Variants in CTNNA3 observed in about 807,000 individuals in gnomAD.
CTNNA3 encodes the protein catenin alpha-3.
Under a neutral mutation model 95.7 loss-of-function variants are expected in CTNNA3, and 76 were observed. The ratio of observed to expected loss-of-function variants is 0.79; its 90% CI spans 0.66 to 0.96. The LOEUF (loss-of-function observed/expected upper bound fraction) is 0.96. Ranked by LOEUF, CTNNA3 falls within the 40% of genes least tolerant of loss-of-function variation. The probability of loss-of-function intolerance (pLI) is 0.00; values close to 1 mark genes in which losing one functional copy is unlikely to be tolerated. For missense variants in CTNNA3, 1,191 were observed against 1,089.8 expected (o/e 1.09, Z -1.31); for synonymous variants, 431 against 374.4 (o/e 1.15, Z -1.74).
At chr10:66,262,896 T>C (rs1270145801) in intron 13 of CTNNA3, among the ~76,000 whole-genome samples, 1 of 151,978 alleles carries the variant, frequency 6.6e-6, no homozygotes, top group Non-Finnish European at 1.5e-5. Context: ...GACTTAAAGT[T>C]ATAAACAGGA....
Position 67,737,503 on chromosome 10 carries a change from C to A in CTNNA3, c.-2+25931G>T, listed in dbSNP as rs116214658. 3.9e-3 allele frequency among the ~76,000 whole-genome samples: 591 copies of A among 152,078 alleles called. 6 individuals are homozygous for A. Among genetic ancestry groups the A allele is most frequent in the African/African-American group, 0.014 (563 of 41,496 alleles). ...AAGGAAAGAAACAATAAAGATCAGA[C>A]CAGAAATAAAAGAAATTAAGACCAA... is the stretch of plus-strand genomic sequence containing the variant. On this transcript the variant is annotated intron_variant, in intron 1 of 17. Coordinates refer to the CTNNA3 transcript ENST00000684154.
At chr10:66,519,261 C>T (rs180797025) in intron 11 of CTNNA3, among the ~76,000 whole-genome samples, 91 of 152,298 alleles carry the variant, frequency 6.0e-4, no homozygotes, top group African/African-American at 2.1e-3. Flanking sequence ...AGTATCTTCA[C>T]AATCCTGTGG....
chr10:66,919,894 G>A (rs930285297), intron 7 of CTNNA3, among the ~76,000 whole-genome samples: 32 of 152,158 alleles, frequency 2.1e-4, no homozygotes, highest in African/African-American at 6.5e-4. Flanking sequence ...ATATTGTTGG[G>A]TCACAAACAT....
chr10:66,059,268 A>G (rs1379684983), intron 15 of CTNNA3, among the ~76,000 whole-genome samples: 1 of 152,114 alleles, frequency 6.6e-6, no homozygotes, highest in Non-Finnish European at 1.5e-5. Flanking sequence ...TCTCTTCAGA[A>G]CATCATTCTC....
intron 12 of CTNNA3, among the ~76,000 whole-genome samples, chr10:66,369,209 G>A (rs1443072065): frequency 6.6e-6 from 1 of 152,138 alleles, no homozygotes. Flanking sequence ...GATGAAAGAG[G>A]AAGCTGTAAA....
intron 17 of CTNNA3, among the ~76,000 whole-genome samples, chr10:65,958,703 C>T (rs187803482): frequency 6.6e-4 from 100 of 152,264 alleles, no homozygotes; most frequent in Non-Finnish European, 6.0e-4. Context: ...GGCTGCAGAA[C>T]AGCAAATATT....
chr10:66,820,443 C>T (rs1842267585), intron 7 of CTNNA3, among the ~76,000 whole-genome samples: 1 of 151,636 alleles, frequency 6.6e-6, no homozygotes, highest in Non-Finnish European at 1.5e-5. Context: ...TTAAAAACTA[C>T]TGAATTATAC....
At chr10:66,739,812 G>GTGTGTTTT (rs1589195244) in intron 9 of CTNNA3, among the ~76,000 whole-genome samples, 1 of 151,394 alleles carries the variant, frequency 6.6e-6, no homozygotes, top group African/African-American at 2.4e-5. Flanking sequence ...TTGTGTGTTT[G>GTGTGTTTT]TGTGTGTGTG....
intron 12 of CTNNA3, among the ~76,000 whole-genome samples, chr10:66,346,244 T>G (rs1156759121): frequency 0.074 from 653 of 8,784 alleles, 2 homozygotes; most frequent in African/African-American, 0.19. Context: ...TATATATATA[T>G]ATAGAGAGAG....
At chr10:66,154,615 A>C (rs919133776) in intron 13 of CTNNA3, among the ~76,000 whole-genome samples, 3 of 150,348 alleles carry the variant, frequency 2.0e-5, no homozygotes, top group Admixed American at 6.7e-5. Context: ...GGCTTCCACC[A>C]ACAATTTTCG....
intron 14 of CTNNA3, chr10:66,079,174 A>G (rs1296714063): frequency 6.6e-6 from 1 of 152,036 alleles, no homozygotes; most frequent in Non-Finnish European, 1.5e-5. Flanking sequence ...AATACTGACA[A>G]TGAGTCATCC....
chr10:65,983,149 G>T (rs924617472), intron 16 of CTNNA3, among the ~76,000 whole-genome samples: 1 of 151,608 alleles, frequency 6.6e-6, no homozygotes, highest in Non-Finnish European at 1.5e-5. Flanking sequence ...AACACTAAAA[G>T]TTCGTTTTAA....
chr10:67,588,986 T>C (rs1237234887), intron 3 of CTNNA3, among the ~76,000 whole-genome samples: 1 of 152,062 alleles, frequency 6.6e-6, no homozygotes, highest in East Asian at 1.9e-4. Flanking sequence ...CTTATCTATC[T>C]AGTTGACTTT....
chr10:66,384,993 A>G (rs985445804), intron 11 of CTNNA3, among the ~76,000 whole-genome samples: 2 of 152,230 alleles, frequency 1.3e-5, no homozygotes, highest in African/African-American at 4.8e-5. Flanking sequence ...AAAGCAGGAA[A>G]GATCTAAAAT....
At chr10:67,492,656 T>G (rs2133082315) in intron 5 of CTNNA3, among the ~76,000 whole-genome samples, 1 of 152,272 alleles carries the variant, frequency 6.6e-6, no homozygotes, top group Non-Finnish European at 1.5e-5. Flanking sequence ...AAATCCACTG[T>G]AAGGAAGTGA....
chr10:67,607,420 G>T (rs2133380521), intron 2 of CTNNA3, among the ~76,000 whole-genome samples: 1 of 152,166 alleles, frequency 6.6e-6, no homozygotes, highest in East Asian at 1.9e-4. Flanking sequence ...AAGTAGAAAT[G>T]GATCATCATA....
At chr10:67,275,941 C>T (rs952126245) in intron 5 of CTNNA3, among the ~76,000 whole-genome samples, 11 of 151,970 alleles carry the variant, frequency 7.2e-5, no homozygotes, top group East Asian at 1.9e-4. Flanking sequence ...AATAAGAATC[C>T]GAATGGCACT....
intron 13 of CTNNA3, among the ~76,000 whole-genome samples, chr10:66,239,166 T>C (rs908174748): frequency 1.3e-5 from 2 of 151,642 alleles, no homozygotes; most frequent in Non-Finnish European, 2.9e-5. Context: ...ATCAATTAAT[T>C]ACAATTTTAT....
At chr10:66,673,719 G>A (rs7080592) in intron 9 of CTNNA3, among the ~76,000 whole-genome samples, 84,066 of 151,772 alleles carry the variant, frequency 0.55, 24,008 homozygotes, top group African/African-American at 0.68. Flanking sequence ...TTAGATATGG[G>A]CCTTATTATA....
Sources: allele counts gnomAD v4.1 joint callset (sites outside exome capture counted in the v4.1 genomes callset), GRCh38; gene constraint gnomAD v4.1.1; transcripts MANE v1.5; gene names NCBI Gene and HGNC (gene_info 2026-07-23, HGNC 2026-07-21).